IL1RAPL1: variants seen among roughly 807,000 people sequenced by gnomAD.
The protein encoded by IL1RAPL1 is interleukin-1 receptor accessory protein-like 1.
IL1RAPL1 carries 3 observed loss-of-function variants against 48.4 expected under a neutral mutation model. The observed-to-expected ratio is 0.06, with a 90% CI of 0.03 to 0.16. The LOEUF (loss-of-function observed/expected upper bound fraction) is 0.16. IL1RAPL1 is among the 10% of genes least tolerant of loss of function. The pLI, the probability that IL1RAPL1 is intolerant of heterozygous loss-of-function variation, is 1.00. For synonymous variants in IL1RAPL1, 185 were observed against 187.7 expected (o/e 0.99, Z 0.12); for missense variants, 349 against 530.6 (o/e 0.66, Z 3.36).
rs558848484 is a variant in IL1RAPL1, at chrX:29,096,295, A to G, written c.83-186643A>G. 7.1e-5 allele frequency among the ~76,000 whole-genome samples: 8 copies of G among 112,003 alleles called. No individual in the cohort carries two copies. The South Asian group carries it at 2.6e-3, about 36-fold the overall frequency. On this transcript the variant is annotated intron_variant, in intron 2 of 10. Transcript: ENST00000378993. ...TTCAAATACAGCCATTGTTCTTACA[A>G]CAGAATTGTGTAAGTCTTCTCCCTG...
At chrX:29,846,862 G>A (rs1271963563) in intron 6 of IL1RAPL1, among the ~76,000 whole-genome samples, 2 of 108,565 alleles carry the variant, frequency 1.8e-5, no homozygotes, top group Non-Finnish European at 3.8e-5. Flanking sequence ...TATACACAGT[G>A]AATTTTAGCT....
chrX:29,183,961 T>C (rs996803132), intron 2 of IL1RAPL1, among the ~76,000 whole-genome samples: 3 of 111,725 alleles, frequency 2.7e-5, no homozygotes, highest in Admixed American at 9.5e-5. Flanking sequence ...TCCAAATTGG[T>C]GGGATTACAG....
chrX:28,921,987 G>GA lies in IL1RAPL1; in HGVS notation c.82+132568dup, dbSNP rs758743513. ...ATTTTGTGAATTGATGTTCTGTGGGGAAAAAACTTGCCTTAGTTTTAATAT... is the reference window on the plus strand; with the variant it reads ...ATTTTGTGAATTGATGTTCTGTGGGGAAAAAAACTTGCCTTAGTTTTAATAT... On this transcript the variant is annotated intron_variant, in intron 2 of 10. Transcript: ENST00000378993. Among the ~76,000 whole-genome samples the GA allele has an allele frequency of 4.0e-4, 45 of 111,424 alleles. No individual in the cohort carries two copies. The South Asian group carries it at 0.017, about 42-fold the overall frequency.
intron 1 of IL1RAPL1, among the ~76,000 whole-genome samples, chrX:28,661,368 T>C (rs1359724536): frequency 5.5e-5 from 6 of 108,699 alleles, no homozygotes; most frequent in Non-Finnish European, 1.2e-4. Flanking sequence ...CTCATATACA[T>C]GTGCATTGAC....
intron 1 of IL1RAPL1, among the ~76,000 whole-genome samples, chrX:28,740,408 A>C (rs1006756932): frequency 8.9e-6 from 1 of 111,988 alleles, no homozygotes; most frequent in Non-Finnish European, 1.9e-5. Context: ...TAATAGGCAA[A>C]ATTTATAAAT....
chrX:29,217,384 C>G (rs1930890340), intron 2 of IL1RAPL1, among the ~76,000 whole-genome samples: 1 of 112,273 alleles, frequency 8.9e-6, no homozygotes, highest in South Asian at 3.7e-4. Flanking sequence ...TAGTGTGTTC[C>G]ATGCTCAGAA....
At chrX:28,942,156 G>A (rs1924178415) in intron 2 of IL1RAPL1, 1 of 109,856 alleles carries the variant, frequency 9.1e-6, no homozygotes, top group Non-Finnish European at 1.9e-5. Flanking sequence ...GTACTGGACT[G>A]CTTGCCACTA....
chrX:29,677,132 C>T (rs781268681), intron 6 of IL1RAPL1, among the ~76,000 whole-genome samples: 17 of 111,894 alleles, frequency 1.5e-4, no homozygotes, highest in Non-Finnish European at 2.4e-4. Flanking sequence ...GATACATTCA[C>T]CCATAAATTT....
intron 6 of IL1RAPL1, among the ~76,000 whole-genome samples, chrX:29,915,838 C>T (rs1399798562): frequency 6.0e-5 from 5 of 83,716 alleles, no homozygotes; most frequent in East Asian, 3.8e-4. Flanking sequence ...CATGCTGGTG[C>T]GCTGCACCCA....
chrX:28,724,692 G>A (rs760985084), intron 1 of IL1RAPL1, among the ~76,000 whole-genome samples: 3 of 111,137 alleles, frequency 2.7e-5, no homozygotes, highest in East Asian at 2.8e-4. Flanking sequence ...TCCTAGCCTC[G>A]ATGGTCTTTA....
intron 6 of IL1RAPL1, among the ~76,000 whole-genome samples, chrX:29,851,385 G>A (rs1452322871): frequency 9.0e-6 from 1 of 111,238 alleles, no homozygotes; most frequent in Non-Finnish European, 1.9e-5. Flanking sequence ...CGATTATATA[G>A]TACTTCCCCT....
At chrX:28,987,884 C>A (rs187734271) in intron 2 of IL1RAPL1, among the ~76,000 whole-genome samples, 135 of 111,965 alleles carry the variant, frequency 1.2e-3, no homozygotes, top group African/African-American at 4.3e-3. Context: ...TTTGGCTCAG[C>A]TTAATTAAAA....
At chrX:29,057,117 T>C (rs767396355) in intron 2 of IL1RAPL1, among the ~76,000 whole-genome samples, 1 of 112,168 alleles carries the variant, frequency 8.9e-6, no homozygotes, top group East Asian at 2.8e-4. Context: ...TTCTTGGTTA[T>C]TATGTCTAGG....
intron 1 of IL1RAPL1, among the ~76,000 whole-genome samples, chrX:28,672,270 G>C: frequency 8.9e-6 from 1 of 111,741 alleles, no homozygotes; most frequent in East Asian, 2.8e-4. Context: ...TGCTAAACAT[G>C]ATAAATTAAG....
chrX:29,407,853 T>G (rs1415886071), intron 5 of IL1RAPL1, among the ~76,000 whole-genome samples: 1 of 112,570 alleles, frequency 8.9e-6, no homozygotes. Context: ...CTACTACTTC[T>G]ACACATTATG....
At chrX:29,314,586 A>G (rs768000760) in intron 3 of IL1RAPL1, among the ~76,000 whole-genome samples, 2 of 112,612 alleles carry the variant, frequency 1.8e-5, no homozygotes, top group East Asian at 2.8e-4. Flanking sequence ...AACAAAATGC[A>G]AAGTTATATT....
intron 6 of IL1RAPL1, among the ~76,000 whole-genome samples, chrX:29,753,104 C>A (rs1032309004): frequency 3.6e-5 from 4 of 111,770 alleles, no homozygotes; most frequent in African/African-American, 1.3e-4. Flanking sequence ...ATTGGCTTAA[C>A]ATGTCCAAAA....
intron 3 of IL1RAPL1, among the ~76,000 whole-genome samples, chrX:29,285,232 A>G (rs1932263256): frequency 9.0e-6 from 1 of 110,850 alleles, no homozygotes; most frequent in Admixed American, 9.6e-5. Context: ...GAGAAACTGC[A>G]TTAAAATGCC....
chrX:28,751,549 T>C (rs1207171035), intron 1 of IL1RAPL1, among the ~76,000 whole-genome samples: 4 of 112,016 alleles, frequency 3.6e-5, no homozygotes, highest in Non-Finnish European at 7.5e-5. Flanking sequence ...TTTTTAGTCA[T>C]AAATATTTGA....
Sources: gnomAD v4.1 joint callset for allele counts (sites outside exome capture counted in the v4.1 genomes callset) on GRCh38, gnomAD v4.1.1 for gene constraint, MANE v1.5 for transcripts, NCBI Gene and HGNC (gene_info 2026-07-23, HGNC 2026-07-21) for gene names.